The following CAMK2D variants were observed in gnomAD, a reference collection of about 807,000 sequenced individuals.
The protein encoded by CAMK2D is calcium/calmodulin dependent protein kinase II delta, also known as calcium/calmodulin-dependent protein kinase type II subunit delta.
In CAMK2D, 37 loss-of-function variants were observed where a neutral mutation model predicts 84.0. The observed-to-expected ratio is 0.44, with a 90% CI of 0.34 to 0.58. The LOEUF (loss-of-function observed/expected upper bound fraction) is 0.58, where lower values mean the gene tolerates loss of function less well. Ranked by LOEUF, CAMK2D falls within the 20% of genes least tolerant of loss-of-function variation. CAMK2D has a pLI of 0.02. For synonymous variants in CAMK2D, 202 were observed against 212.5 expected (o/e 0.95, Z 0.43); for missense variants, 448 against 652.5 (o/e 0.69, Z 3.41).
At chr4:113,595,050 A>C (rs2098917912) in intron 4 of CAMK2D, among the ~76,000 whole-genome samples, 1 of 152,116 alleles carries the variant, frequency 6.6e-6, no homozygotes, top group Admixed American at 6.5e-5. Flanking sequence ...AACAAAGAAA[A>C]AGAAAAAACA....
chr4:113,457,170 T>C, intron 19 of CAMK2D, 165 bp downstream of exon 19: 2 of 1,439,220 alleles, frequency 1.4e-6, no homozygotes, highest in Non-Finnish European at 9.1e-7. Flanking sequence ...ATCTGATTGA[T>C]CTTTCCAGAG....
At chr4:113,457,957 G>T (rs922423126) in intron 18 of CAMK2D, among the ~76,000 whole-genome samples, 2 of 152,204 alleles carry the variant, frequency 1.3e-5, no homozygotes, top group Non-Finnish European at 2.9e-5. Flanking sequence ...GAACTGCTGG[G>T]ACAGCTGACC....
intron 3 of CAMK2D, among the ~76,000 whole-genome samples, chr4:113,623,506 T>C (rs2099055258): frequency 6.6e-6 from 1 of 152,080 alleles, no homozygotes. Flanking sequence ...AAAGTGTACT[T>C]ATACAGACCT....
intron 4 of CAMK2D, among the ~76,000 whole-genome samples, chr4:113,559,560 A>G (rs1041668014): frequency 6.6e-5 from 10 of 152,364 alleles, no homozygotes; most frequent in African/African-American, 2.4e-4. Flanking sequence ...TTAACGTCAC[A>G]TGTACTGAAA....
chr4:113,554,536 T>C (rs1370308432), intron 4 of CAMK2D, among the ~76,000 whole-genome samples: 1 of 152,160 alleles, frequency 6.6e-6, no homozygotes, highest in African/African-American at 2.4e-5. Flanking sequence ...TCTCCTAGTA[T>C]TCATTCGTCC....
intron 9 of CAMK2D, 98 bp downstream of exon 9, chr4:113,517,465 A>G: frequency 3.6e-6 from 2 of 548,688 alleles, no homozygotes; most frequent in South Asian, 7.3e-5. Context: ...AGAAAGTGGT[A>G]AAAATTATGG....
chr4:113,612,046 T>A (rs1340422774), intron 3 of CAMK2D, among the ~76,000 whole-genome samples: 1 of 152,128 alleles, frequency 6.6e-6, no homozygotes, highest in East Asian at 1.9e-4. Context: ...AATAATGAAC[T>A]GAAAAAACAG....
intron 3 of CAMK2D, among the ~76,000 whole-genome samples, chr4:113,613,353 C>T (rs548905227): frequency 1.1e-4 from 16 of 152,008 alleles, no homozygotes; most frequent in African/African-American, 3.6e-4. Context: ...ACGTGGGCTC[C>T]CTGAAACCTT....
At chr4:113,537,246 G>A (rs734348) in intron 7 of CAMK2D, 95 bp downstream of exon 7, 201,518 of 642,522 alleles carry the variant, frequency 0.31, 33,475 homozygotes, top group African/African-American at 0.48. Context: ...TTAGGATGAA[G>A]TTTTCCATTT....
chr4:113,509,594 C>T, intron 13 of CAMK2D, 44 bp downstream of exon 13: 1 of 1,228,358 alleles, frequency 8.1e-7, no homozygotes, highest in African/African-American at 1.5e-5. Flanking sequence ...GATTATCCAG[C>T]ATCTGAAAGT....
chr4:113,611,074 ACAC>A (rs1417110831), intron 3 of CAMK2D, among the ~76,000 whole-genome samples: 1 of 151,732 alleles, frequency 6.6e-6, no homozygotes, highest in Non-Finnish European at 1.5e-5. Flanking sequence ...ACACACACAC[ACAC>A]AATGTATATA....
chr4:113,580,112 T>C (rs570221692), intron 4 of CAMK2D, among the ~76,000 whole-genome samples: 63 of 152,354 alleles, frequency 4.1e-4, no homozygotes, highest in Middle Eastern at 3.4e-3. Context: ...CCCTCATTTA[T>C]TTTATTCTAT....
intron 2 of CAMK2D, among the ~76,000 whole-genome samples, chr4:113,708,790 T>C (rs145836063): frequency 1.5e-3 from 222 of 152,314 alleles, no homozygotes; most frequent in African/African-American, 5.2e-3. Context: ...AGTGGCGTAA[T>C]CTCGGCTCAC....
At chr4:113,739,305 T>C (rs1490850249) in intron 2 of CAMK2D, among the ~76,000 whole-genome samples, 1 of 152,144 alleles carries the variant, frequency 6.6e-6, no homozygotes, top group Non-Finnish European at 1.5e-5. Flanking sequence ...CTACTTCTCC[T>C]CAGTCCTCTG....
intron 4 of CAMK2D, among the ~76,000 whole-genome samples, chr4:113,588,201 A>C (rs2098842843): frequency 6.6e-6 from 1 of 152,150 alleles, no homozygotes; most frequent in African/African-American, 2.4e-5. Context: ...GAAAGACTTC[A>C]ATTGCTTAAA....
intron 2 of CAMK2D, among the ~76,000 whole-genome samples, chr4:113,708,551 CA>C (rs2099471673): frequency 6.6e-6 from 1 of 152,096 alleles, no homozygotes; most frequent in South Asian, 2.1e-4. Flanking sequence ...TTCTCACATG[CA>C]AATCACCTAG....
chr4:113,457,616 A>G (rs1483953126), intron 18 of CAMK2D, 53 bp from the exon 19 acceptor site: 2 of 1,398,784 alleles, frequency 1.4e-6, no homozygotes, highest in Non-Finnish European at 2.0e-6. Context: ...AAAGGAAACT[A>G]AAACCAGTAA....
At chr4:113,745,675 G>A (rs1382468376) in intron 2 of CAMK2D, among the ~76,000 whole-genome samples, 1 of 152,090 alleles carries the variant, frequency 6.6e-6, no homozygotes, top group South Asian at 2.1e-4. Context: ...GCTCCCAAAG[G>A]TATTTGCAGA....
At position 113,552,669 on chromosome 4, in the gene CAMK2D, C is replaced by T. The variant is rs140170786; in HGVS notation, c.276-573G>A. On this transcript the variant is annotated intron_variant, in intron 4 of 20. Coordinates refer to ENST00000511664, the MANE Select transcript of CAMK2D (RefSeq NM_001321571.2). ...CATGTCATATCAGAAGCATTTTCCC[C>T]TAATTTAACGTAACATAGCAATTAA... 2.7e-3 allele frequency among the ~76,000 whole-genome samples: 414 copies of T among 152,256 alleles called. 1 individual carries two copies. The highest frequency in any genetic ancestry group is 9.7e-3 in the African/African-American group (404 of 41,560).
Sources: gnomAD v4.1 joint callset for allele counts (sites outside exome capture counted in the v4.1 genomes callset) on GRCh38, gnomAD v4.1.1 for gene constraint, MANE v1.5 for transcripts, NCBI Gene and HGNC (gene_info 2026-07-23, HGNC 2026-07-21) for gene names.